The following ZCCHC2 variants were observed in gnomAD, a reference collection of about 807,000 sequenced individuals.
The protein encoded by ZCCHC2 is zinc finger CCHC-type containing 2.
ZCCHC2 carries 39 observed loss-of-function variants against 103.6 expected under a neutral mutation model. The ratio of observed to expected loss-of-function variants is 0.38; its 90% confidence interval spans 0.29 to 0.49. The LOEUF is 0.49. Ranked by LOEUF, ZCCHC2 falls within the 20% of genes least tolerant of loss-of-function variation. The pLI is 0.96. For missense variants in ZCCHC2, 1,483 were observed against 1,491.0 expected, an observed-to-expected ratio of 0.99 and a Z score of 0.09; for synonymous variants, 687 against 608.9, an observed-to-expected ratio of 1.13 and a Z score of -1.89.
At chr18:62,533,381 T>G (rs1487284521) in intron 1 of ZCCHC2, among the ~76,000 whole-genome samples, 1 of 147,434 alleles carries the variant, frequency 6.8e-6, no homozygotes, top group African/African-American at 2.5e-5. Flanking sequence ...CAAAAATTAG[T>G]CGGGCGTGTA....
At chr18:62,527,024 C>G (rs1480544063) in intron 1 of ZCCHC2, 1 of 78,364 alleles carries the variant, frequency 1.3e-5, no homozygotes, top group Non-Finnish European at 2.9e-5. Flanking sequence ...CGCCCCCCCC[C>G]CCCCCGAAAG....
At chr18:62,567,798 A>T (rs1334648220) in intron 11 of ZCCHC2, among the ~76,000 whole-genome samples, 1 of 151,922 alleles carries the variant, frequency 6.6e-6, no homozygotes, top group Non-Finnish European at 1.5e-5. Flanking sequence ...TATAAAAATT[A>T]GCCAGATGTG....
chr18:62,564,147 A>G (rs752797496), intron 9 of ZCCHC2, among the ~76,000 whole-genome samples: 4 of 152,146 alleles, frequency 2.6e-5, no homozygotes, highest in Non-Finnish European at 5.9e-5. Flanking sequence ...TTAGTGACCT[A>G]TTTTCAAAGC....
rs1568531499 is a variant in ZCCHC2, at chr18:62,523,553, C to CCG, written c.130_131insGC (p.Pro44ArgfsTer238). 9.4e-5 allele frequency: 88 copies of CCG among 932,810 alleles called. No homozygotes were observed. Among genetic ancestry groups the CCG allele is most frequent in the Middle Eastern group, 5.5e-4 (1 of 1,828 alleles). 57.8% of individuals were successfully genotyped at this position (932,810 alleles called of 1,614,324 possible). On this transcript the variant is annotated frameshift_variant, in exon 1 of 14. Transcript: ENST00000269499. LOFTEE classifies it high-confidence loss of function. ...CGCGCCGCCGCCGCGACTGCCGCCC[C>CCG]CCGCCGCCGCCGCCGCCGCCCGCGG...
At chr18:62,582,866 C>G (rs1917073295), downstream of ZCCHC2, among the ~76,000 whole-genome samples, 1 of 152,150 alleles carries the variant, frequency 6.6e-6, no homozygotes, top group Non-Finnish European at 1.5e-5. Flanking sequence ...TTTGGGAGGC[C>G]AAGGCCTTGG....
chr18:62,526,501 T>G (rs920764128), intron 1 of ZCCHC2, among the ~76,000 whole-genome samples: 2 of 152,186 alleles, frequency 1.3e-5, no homozygotes, highest in African/African-American at 4.8e-5. Flanking sequence ...GTTCTGGCCT[T>G]GACCTTTTAT....
At chr18:62,573,870 A>G (rs766747749) in intron 12 of ZCCHC2, among the ~76,000 whole-genome samples, 187 bp from the exon 13 acceptor site, 4 of 152,242 alleles carry the variant, frequency 2.6e-5, no homozygotes, top group African/African-American at 4.8e-5. Context: ...TTTTAAAAAT[A>G]AAGCGTTGAT....
Position 62,575,520 on chromosome 18 carries a change from A to G in ZCCHC2, c.3439A>G (p.Lys1147Glu), listed in dbSNP as rs1221397792. 5.6e-6 allele frequency: 9 copies of G among 1,613,972 alleles called. No homozygotes were observed. Among genetic ancestry groups the G allele is most frequent in the Non-Finnish European group, 7.6e-6 (9 of 1,179,824 alleles). ...AAGCGGACACTATGCACAGGACTGT[A>G]AGCAGTCGTCCATGGAGGCCAATCA... The part of the protein sequence containing the change: ...GVSGHYAQDC[K>E]QSSMEANQQG... Residue 1147 changes from lysine to glutamate, a missense_variant, in exon 13 of 14, where the codon AAG (lysine) becomes GAG (glutamate). Physicochemically the swap from Lys to Glu is moderately conservative, Grantham distance 56. This residue lies in a region of ZCCHC2 where 884 missense variants were observed against 907.5 expected (regional missense o/e 0.97). Transcript: ENST00000269499.
In ZCCHC2 at chr18:62,565,029, A is replaced by G. The variant is rs1158479038; in HGVS notation, c.1779A>G (p.Arg593=). ...AGAAAATTAAGAAAACTGACAACAG[A>G]TTGAATAGTAGAATAAATGGTATTA... ...EKEKIKKTDN[R]LNSRINGIRL... The change falls in exon 11 of 14, where the codon AGA becomes AGG. Residue 593 remains arginine (R), a synonymous_variant. Transcript: ENST00000269499. 1 of 1,613,518 alleles carries G rather than the reference A, an allele frequency of 6.2e-7. No individual in the cohort carries two copies. The highest frequency in any genetic ancestry group is 8.5e-7 in the Non-Finnish European group (1 of 1,179,552).
rs1206041083 is a variant in ZCCHC2, at chr18:62,563,153, G to A, written c.1686+9G>A. Reference sequence around the variant, plus strand: ...TGACCTCGGCTGACCAGGTGTGTGGGGAGTTTGTTTTGGAGCTATATAGTT... The same window carrying A: ...TGACCTCGGCTGACCAGGTGTGTGGAGAGTTTGTTTTGGAGCTATATAGTT... On this transcript the variant is annotated intron_variant, in intron 9 of 13. Coordinates refer to ENST00000269499, the MANE Select transcript of ZCCHC2 (RefSeq NM_017742.6). 1 of 1,610,228 alleles carries A rather than the reference G, an allele frequency of 6.2e-7. No individual in the cohort carries two copies. Among genetic ancestry groups the A allele is most frequent in the Non-Finnish European group, 8.5e-7 (1 of 1,177,104 alleles).
Position 62,556,290 on chromosome 18 carries a change from C to A in ZCCHC2, c.1401C>A (p.His467Gln). The A allele has an allele frequency of 6.3e-7, 1 of 1,596,392 alleles. No individual in the cohort carries two copies. The highest frequency in any genetic ancestry group is 1.7e-5 in the Admixed American group (1 of 57,790). Residue 467 changes from histidine (H) to glutamine (Q), a missense_variant, in exon 6 of 14, where the codon CAC (histidine) becomes CAA (glutamine). Coordinates refer to ENST00000269499, the MANE Select transcript of ZCCHC2 (RefSeq NM_017742.6). The stretch of plus-strand genomic sequence containing the variant: ...AGTCCATATCATCAGACTCCCTACA[C>A]AGTATCAGTAAGCATCCTCTGTCCC... ...FFQSISSDSL[H>Q]SINNLQSSLK... is the part of the protein sequence containing the mutation.
intron 8 of ZCCHC2, among the ~76,000 whole-genome samples, chr18:62,562,419 C>T (rs773942355): frequency 6.6e-6 from 1 of 152,120 alleles, no homozygotes; most frequent in Non-Finnish European, 1.5e-5. Context: ...TTCCCCTTCA[C>T]TAATTTTCTC....
chr18:62,562,930 A>T (rs1916188076), intron 8 of ZCCHC2, 79 bp from the exon 9 acceptor site: 1 of 1,487,950 alleles, frequency 6.7e-7, no homozygotes, highest in Non-Finnish European at 9.2e-7. Flanking sequence ...AGAAAGGGTT[A>T]CTGTAACTTC....
intron 1 of ZCCHC2, among the ~76,000 whole-genome samples, chr18:62,530,109 A>G (rs1914617486): frequency 1.3e-5 from 2 of 152,166 alleles, no homozygotes; most frequent in Admixed American, 1.3e-4. Context: ...CCAATTCCTC[A>G]TGGGTATTGG....
intron 3 of ZCCHC2, among the ~76,000 whole-genome samples, chr18:62,542,876 A>G (rs564081783): frequency 2.1e-4 from 32 of 152,192 alleles, no homozygotes; most frequent in African/African-American, 6.5e-4. Flanking sequence ...GATCACAGGC[A>G]TTGTCTTTCC....
rs1402958656 is a variant in ZCCHC2, at chr18:62,523,823, C to T, written c.399C>T (p.Cys133=). The change falls in exon 1 of 14, where the codon TGC becomes TGT. Residue 133 remains cysteine (C), a synonymous_variant. Transcript: ENST00000269499. ...NPLELRFLGS[C]LEDLARKDYH... ...TGGAGCTGCGCTTCCTTGGCTCGTG[C>T]CTGGAGGACCTGGCGCGCAAGGACT... The T allele has an allele frequency of 2.1e-5, 33 of 1,544,312 alleles. No individual in the cohort carries two copies. The Middle Eastern group carries it at 5.7e-4, about 27-fold the overall frequency.
Position 62,562,887 on chromosome 18 carries a change from A to G in ZCCHC2, c.1551-122A>G, listed in dbSNP as rs1024930744. 4 of 1,113,838 alleles carry G rather than the reference A, an allele frequency of 3.6e-6. No homozygotes were observed. The African/African-American group carries it at 4.7e-5, about 13-fold the overall frequency. The allele number at this position is 1,113,838 out of a possible 1,614,324, so 69.0% of individuals were successfully genotyped here. A position where few individuals can be genotyped will look rare whatever the true frequency, so the allele number is the denominator to read the frequency against. ...TATACTTTTTTTTCTTAGACCTATC[A>G]TTAGGCATTCCTTGAAGAAACTAAT... is the stretch of plus-strand genomic sequence containing the variant. On this transcript the variant is annotated intron_variant, in intron 8 of 13. Coordinates refer to ENST00000269499, the MANE Select transcript of ZCCHC2 (RefSeq NM_017742.6).
chr18:62,584,574 C>T (rs1917124313), exon 15 of ZCCHC2: 1 of 152,172 alleles, frequency 6.6e-6, no homozygotes, highest in South Asian at 2.1e-4. Context: ...TTCCTACTGA[C>T]CTAATTTAGA....
At chr18:62,539,873 C>A in intron 2 of ZCCHC2, 81 bp downstream of exon 2, 5 of 1,121,992 alleles carry the variant, frequency 4.5e-6, no homozygotes, top group Non-Finnish European at 6.5e-6. Context: ...TAACTCTAAA[C>A]TTTTTACTCT....
Sources: gnomAD v4.1 joint callset for allele counts (sites outside exome capture counted in the v4.1 genomes callset) on GRCh38, gnomAD v4.1.1 for gene constraint, gnomAD v4.1.1 regional missense constraint, MANE v1.5 for transcripts, NCBI Gene and HGNC (gene_info 2026-07-23, HGNC 2026-07-21) for gene names.